The following FNDC3B variants were observed in gnomAD, a reference collection of about 807,000 sequenced individuals.
The protein encoded by FNDC3B is fibronectin type III domain-containing protein 3B.
FNDC3B carries 12 observed loss-of-function variants against 151.5 expected under a neutral mutation model. The observed-to-expected ratio is 0.08, with a 90% CI of 0.05 to 0.13. The LOEUF (loss-of-function observed/expected upper bound fraction) is 0.13, where lower values mean the gene tolerates loss of function less well. Ranked by LOEUF, FNDC3B falls within the 10% of genes least tolerant of loss-of-function variation. The pLI is 1.00. For synonymous variants in FNDC3B, 528 were observed against 549.0 expected (o/e 0.96, Z 0.54); for missense variants, 1,214 against 1,505.3 (o/e 0.81, Z 3.20).
At chr3:172,346,299 ACG>A in intron 19 of FNDC3B, 26 bp from the exon 20 acceptor site, 1 of 1,304,514 alleles carries the variant, frequency 7.7e-7, no homozygotes, top group Non-Finnish European at 1.1e-6. Context: ...ATATATACAT[ACG>A]TGTGTGTGCG....
intron 1 of FNDC3B, among the ~76,000 whole-genome samples, chr3:172,054,778 C>A (rs547922890): frequency 1.3e-3 from 201 of 152,278 alleles, no homozygotes; most frequent in African/African-American, 4.7e-3. Flanking sequence ...GCCCACCTGA[C>A]CCCTCTCTCT....
At chr3:172,212,077 T>C (rs1305086079) in intron 3 of FNDC3B, among the ~76,000 whole-genome samples, 1 of 152,230 alleles carries the variant, frequency 6.6e-6, no homozygotes, top group Non-Finnish European at 1.5e-5. Context: ...TATCCTATAT[T>C]ATATAAAATC....
At chr3:172,358,600 C>T (rs563179643) in intron 22 of FNDC3B, among the ~76,000 whole-genome samples, 1 of 152,352 alleles carries the variant, frequency 6.6e-6, no homozygotes, top group Admixed American at 6.5e-5. Flanking sequence ...CAGTGAAGAC[C>T]TGTCCCTGTG....
Position 172,310,895 on chromosome 3 carries a change from C to T in FNDC3B, c.1254+14C>T, listed in dbSNP as rs373610071. The T allele has an allele frequency of 4.4e-5, 69 of 1,585,786 alleles. No homozygotes were observed. Among genetic ancestry groups the T allele is most frequent in the Non-Finnish European group, 5.7e-5 (66 of 1,154,318 alleles). On this transcript the variant is annotated intron_variant, in intron 11 of 25. Coordinates refer to ENST00000415807, the MANE Select transcript of FNDC3B (RefSeq NM_022763.4). ...GAGTGGGATGAGGTAAGCTTATTTTCATATTCACCCATCTAAAACACCATT... is the reference window on the plus strand; with the variant it reads ...GAGTGGGATGAGGTAAGCTTATTTTTATATTCACCCATCTAAAACACCATT...
At chr3:172,341,264 A>G in intron 17 of FNDC3B, 33 bp downstream of exon 17, 1 of 1,466,716 alleles carries the variant, frequency 6.8e-7, no homozygotes, top group Non-Finnish European at 9.6e-7. Context: ...AGTAAACCTC[A>G]TTGATCAAAT....
At position 172,089,630 on chromosome 3, in the gene FNDC3B, A is replaced by C. The variant is rs751629208; in HGVS notation, c.-28-22822A>C. ...TTTTGCCATTAATATAATTTCAGTC[A>C]TAGCACTATCTTAATATCTCTGACA... On this transcript the variant is annotated intron_variant, in intron 1 of 25. Transcript: ENST00000415807. Among the ~76,000 whole-genome samples, 5 of 152,220 alleles carry C rather than the reference A, an allele frequency of 3.3e-5. No individual in the cohort carries two copies. The East Asian group carries it at 9.6e-4, about 29-fold the overall frequency.
chr3:172,295,049 A>G (rs1021584099), intron 7 of FNDC3B, among the ~76,000 whole-genome samples: 1 of 152,212 alleles, frequency 6.6e-6, no homozygotes, highest in South Asian at 2.1e-4. Context: ...TCTTCCACAT[A>G]ATGTAGAAAT....
intron 3 of FNDC3B, among the ~76,000 whole-genome samples, chr3:172,226,623 A>C (rs1464175840): frequency 1.3e-5 from 2 of 152,206 alleles, no homozygotes; most frequent in South Asian, 2.1e-4. Flanking sequence ...GGTTTTGGGA[A>C]TCATTAAATA....
intron 11 of FNDC3B, among the ~76,000 whole-genome samples, chr3:172,315,515 C>T (rs548922690): frequency 2.0e-5 from 3 of 152,174 alleles, no homozygotes; most frequent in Admixed American, 1.3e-4. Context: ...TGTGGTGACT[C>T]GTGAGCTTTA....
rs1315626296 is a variant in FNDC3B, at chr3:172,251,348, G to A, written c.597G>A (p.Gln199=). The A allele has an allele frequency of 1.2e-6, 2 of 1,614,068 alleles. No homozygotes were observed. Among genetic ancestry groups the A allele is most frequent in the Admixed American group, 1.7e-5 (1 of 60,016 alleles). The change falls in exon 6 of 26, where the codon CAG becomes CAA. Residue 199 remains glutamine (Q), a synonymous_variant. Coordinates refer to ENST00000415807, the MANE Select transcript of FNDC3B (RefSeq NM_022763.4). The part of the protein sequence containing the change: ...KPPHKKLKDR[Q]IDRQNRLNSP... ...CGCACAAAAAACTGAAAGACCGCCA[G>A]ATCGATCGCCAGAACCGCCTCAACA... is the stretch of plus-strand genomic sequence containing the variant.
intron 16 of FNDC3B, among the ~76,000 whole-genome samples, chr3:172,339,833 G>A (rs749577913): frequency 6.6e-6 from 1 of 152,134 alleles, no homozygotes; most frequent in Non-Finnish European, 1.5e-5. Context: ...CACCTTTTCA[G>A]TACAGGTTTT....
chr3:172,239,176 G>A (rs140547387), intron 4 of FNDC3B, among the ~76,000 whole-genome samples: 10 of 152,256 alleles, frequency 6.6e-5, no homozygotes, highest in African/African-American at 2.4e-4. Context: ...AGAGACAGAT[G>A]TGTAGTCCAA....
At chr3:172,258,992 C>T (rs1054086634) in intron 6 of FNDC3B, among the ~76,000 whole-genome samples, 6 of 152,170 alleles carry the variant, frequency 3.9e-5, no homozygotes, top group African/African-American at 1.4e-4. Flanking sequence ...AGAGTATCTG[C>T]TTCCCTTACT....
intron 3 of FNDC3B, among the ~76,000 whole-genome samples, chr3:172,188,098 C>T (rs991576793): frequency 1.9e-4 from 28 of 149,852 alleles, no homozygotes; most frequent in Admixed American, 1.5e-3. Flanking sequence ...CAGGTTCAAG[C>T]GATTCTCCTG....
At chr3:172,334,795 A>T in intron 14 of FNDC3B, 149 bp from the exon 15 acceptor site, 1 of 641,400 alleles carries the variant, frequency 1.6e-6, no homozygotes, top group Non-Finnish European at 2.7e-6. Context: ...TTATAAAATA[A>T]ATACTGTTAA....
intron 6 of FNDC3B, among the ~76,000 whole-genome samples, chr3:172,275,543 T>G (rs1203019427): frequency 6.6e-6 from 1 of 152,232 alleles, no homozygotes; most frequent in African/African-American, 2.4e-5. Flanking sequence ...CAGGACTTCT[T>G]TTACATTGAC....
chr3:172,080,443 A>AT (rs1553758865), intron 1 of FNDC3B, among the ~76,000 whole-genome samples: 79 of 149,304 alleles, frequency 5.3e-4, no homozygotes, highest in Non-Finnish European at 6.9e-4. Context: ...GCTAATTTAA[A>AT]TTTTTTTTTT....
chr3:172,183,454 G>A (rs1724018306), intron 3 of FNDC3B, among the ~76,000 whole-genome samples: 1 of 152,174 alleles, frequency 6.6e-6, no homozygotes, highest in East Asian at 1.9e-4. Flanking sequence ...AGGGAACTGT[G>A]TCAGAATGTG....
chr3:172,299,918 C>T (rs558237381), intron 9 of FNDC3B, among the ~76,000 whole-genome samples: 5 of 152,092 alleles, frequency 3.3e-5, no homozygotes, highest in African/African-American at 9.7e-5. Flanking sequence ...CAAGGATGTG[C>T]GTTGAGGATG....
Sources: gnomAD v4.1 joint callset for allele counts (sites outside exome capture counted in the v4.1 genomes callset) on GRCh38, gnomAD v4.1.1 for gene constraint, MANE v1.5 for transcripts, NCBI Gene and HGNC (gene_info 2026-07-23, HGNC 2026-07-21) for gene names.